The following NCKAP5 variants were observed in gnomAD, a reference collection of about 807,000 sequenced individuals.
NCKAP5 encodes NCK associated protein 5, also known as nck-associated protein 5.
A neutral mutation model predicts 167.0 loss-of-function variants in NCKAP5; 92 were observed. That is an observed-to-expected ratio of 0.55 (90% confidence interval 0.47 to 0.66). NCKAP5 has a LOEUF of 0.66. Among genes scored for constraint, NCKAP5 ranks in the 30% least tolerant of loss-of-function variants. The pLI is 0.00. For synonymous variants in NCKAP5, 891 were observed against 877.4 expected (o/e 1.02, Z -0.27); for missense variants, 2,378 against 2,315.0 (o/e 1.03, Z -0.56).
the NCKAP5 span, among the ~76,000 whole-genome samples, chr2:133,659,262 G>T: frequency 2.6e-5 from 4 of 151,996 alleles, no homozygotes; most frequent in Non-Finnish European, 5.9e-5. Flanking sequence ...TCAACAAATG[G>T]TGTTGAAAAA....
At chr2:133,102,432 C>T (rs2081545408) in intron 6 of NCKAP5, among the ~76,000 whole-genome samples, 1 of 152,308 alleles carries the variant, frequency 6.6e-6, no homozygotes, top group African/African-American at 2.4e-5. Flanking sequence ...CAGGCATGAG[C>T]CATCACGCCT....
the NCKAP5 span, among the ~76,000 whole-genome samples, chr2:133,673,930 G>A: frequency 1.3e-5 from 2 of 152,240 alleles, no homozygotes; most frequent in African/African-American, 4.8e-5. Flanking sequence ...GTCTTTCATT[G>A]ATCAATTGAT....
chr2:133,394,189 C>T (rs1010557528), intron 3 of NCKAP5, among the ~76,000 whole-genome samples: 4 of 152,206 alleles, frequency 2.6e-5, no homozygotes, highest in Non-Finnish European at 5.9e-5. Context: ...CATATGCTAG[C>T]TTGACTTTTT....
intron 7 of NCKAP5, among the ~76,000 whole-genome samples, chr2:132,982,548 T>A (rs1361868101): frequency 1.3e-5 from 2 of 152,218 alleles, no homozygotes; most frequent in African/African-American, 4.8e-5. Context: ...AGGGGATACA[T>A]GTGCAGATTT....
intron 6 of NCKAP5, among the ~76,000 whole-genome samples, chr2:133,028,958 C>G (rs2078787319): frequency 6.6e-6 from 1 of 152,172 alleles, no homozygotes; most frequent in South Asian, 2.1e-4. Flanking sequence ...ATGTGATGTG[C>G]CTGCTCCCCC....
At chr2:132,812,321 T>G (rs1685943060) in intron 11 of NCKAP5, among the ~76,000 whole-genome samples, 1 of 152,228 alleles carries the variant, frequency 6.6e-6, no homozygotes, top group Non-Finnish European at 1.5e-5. Context: ...TTTTCCTTAT[T>G]TAATCCTTAT....
At chr2:133,231,793 G>C (rs2087161444) in intron 4 of NCKAP5, among the ~76,000 whole-genome samples, 1 of 152,046 alleles carries the variant, frequency 6.6e-6, no homozygotes, top group Non-Finnish European at 1.5e-5. Flanking sequence ...CTCTAAATTT[G>C]CTTGTCTGAA....
chr2:132,835,450 T>C (rs1687821560), intron 11 of NCKAP5, among the ~76,000 whole-genome samples: 1 of 152,214 alleles, frequency 6.6e-6, no homozygotes, highest in Non-Finnish European at 1.5e-5. Flanking sequence ...TTTTGTCTTT[T>C]ATCTTCCTTA....
At chr2:133,035,076 C>G (rs1463134246) in intron 6 of NCKAP5, among the ~76,000 whole-genome samples, 1 of 151,852 alleles carries the variant, frequency 6.6e-6, no homozygotes, top group African/African-American at 2.4e-5. Flanking sequence ...AAAAGATATT[C>G]CATGCCAAAG....
At chr2:132,882,679 T>G (rs1691858322) in intron 8 of NCKAP5, among the ~76,000 whole-genome samples, 1 of 152,254 alleles carries the variant, frequency 6.6e-6, no homozygotes, top group Non-Finnish European at 1.5e-5. Context: ...CATTTGTTTC[T>G]GATAGTATTC....
At chr2:133,163,764 A>G (rs994544906) in intron 5 of NCKAP5, among the ~76,000 whole-genome samples, 1 of 151,434 alleles carries the variant, frequency 6.6e-6, no homozygotes, top group Non-Finnish European at 1.5e-5. Context: ...TTTTATTTTC[A>G]CTTCTCAAAT....
At chr2:133,575,425 A>C in the NCKAP5 span, among the ~76,000 whole-genome samples, 1 of 152,210 alleles carries the variant, frequency 6.6e-6, no homozygotes, top group Non-Finnish European at 1.5e-5. Context: ...TATTATTTTG[A>C]CTGATTATAA....
intron 2 of NCKAP5, among the ~76,000 whole-genome samples, chr2:133,555,290 T>C (rs1370439721): frequency 6.6e-6 from 1 of 152,210 alleles, no homozygotes; most frequent in Admixed American, 6.5e-5. Flanking sequence ...TCTCGTCTAC[T>C]CACAGAGTCA....
intron 5 of NCKAP5, among the ~76,000 whole-genome samples, chr2:133,189,375 T>C (rs1375561448): frequency 6.6e-6 from 1 of 151,452 alleles, no homozygotes; most frequent in Non-Finnish European, 1.5e-5. Flanking sequence ...GCTGGTACCG[T>C]TCCTTCTGAA....
intron 3 of NCKAP5, among the ~76,000 whole-genome samples, chr2:133,515,764 T>C (rs1485606441): frequency 6.6e-6 from 1 of 152,264 alleles, no homozygotes; most frequent in East Asian, 1.9e-4. Context: ...GATCTGCAAG[T>C]ACCTACGATC....
chr2:133,538,782 C>T (rs1014156806), intron 2 of NCKAP5, among the ~76,000 whole-genome samples: 2 of 152,036 alleles, frequency 1.3e-5, no homozygotes, highest in Non-Finnish European at 2.9e-5. Flanking sequence ...CTAATTACTG[C>T]CTGGGGTCAC....
At chr2:133,556,064 G>A (rs1408670667) in intron 2 of NCKAP5, among the ~76,000 whole-genome samples, 1 of 152,102 alleles carries the variant, frequency 6.6e-6, no homozygotes, top group Non-Finnish European at 1.5e-5. Context: ...GTACACAAAA[G>A]GCCAAATTAA....
intron 19 of NCKAP5, among the ~76,000 whole-genome samples, chr2:132,677,908 C>T (rs74707147): frequency 0.054 from 8,280 of 152,058 alleles, 590 homozygotes; most frequent in African/African-American, 0.17. Flanking sequence ...ACTTTCCACG[C>T]GATATTTATG....
At chr2:133,355,262 C>G (rs1350557842) in intron 3 of NCKAP5, among the ~76,000 whole-genome samples, 1 of 152,114 alleles carries the variant, frequency 6.6e-6, no homozygotes, top group Non-Finnish European at 1.5e-5. Context: ...TTGTATTCTC[C>G]TATTAAATAT....
Sources: allele counts gnomAD v4.1 joint callset (sites outside exome capture counted in the v4.1 genomes callset), GRCh38; gene constraint gnomAD v4.1.1; transcripts MANE v1.5; gene names NCBI Gene and HGNC (gene_info 2026-07-23, HGNC 2026-07-21).